AGBL4: variants seen among roughly 807,000 people sequenced by gnomAD.
AGBL4 encodes cytosolic carboxypeptidase 6.
A neutral mutation model predicts 66.4 loss-of-function variants in AGBL4; 58 were observed. The observed-to-expected ratio is 0.87, with a 90% CI of 0.71 to 1.09. AGBL4 has a LOEUF of 1.09. AGBL4 is among the 50% of genes least tolerant of loss of function. The pLI is 0.00. For synonymous variants in AGBL4, 234 were observed against 222.9 expected (o/e 1.05, Z -0.44); for missense variants, 579 against 631.0 (o/e 0.92, Z 0.88).
At chr1:49,268,878 C>A (rs556055081) in intron 3 of AGBL4, among the ~76,000 whole-genome samples, 1 of 152,290 alleles carries the variant, frequency 6.6e-6, no homozygotes, top group Admixed American at 6.5e-5. Context: ...ATTCTGCTTA[C>A]TCTGTATCCA....
chr1:49,883,291 A>G (rs556438101), intron 1 of AGBL4, among the ~76,000 whole-genome samples: 1 of 152,026 alleles, frequency 6.6e-6, no homozygotes, highest in Non-Finnish European at 1.5e-5. Flanking sequence ...GGATATATGC[A>G]TATTTGTTTT....
intron 2 of AGBL4, among the ~76,000 whole-genome samples, chr1:49,840,283 G>C (rs774772582): frequency 6.6e-6 from 1 of 152,084 alleles, no homozygotes. Context: ...AGTCTCTGGG[G>C]ATTTTTGTAT....
At chr1:49,680,049 C>CT (rs61150148) in intron 3 of AGBL4, among the ~76,000 whole-genome samples, 2,203 of 118,072 alleles carry the variant, frequency 0.019, 53 homozygotes, top group East Asian at 0.039. Context: ...TTCTTCTTCC[C>CT]TTTTTTTTTT....
At chr1:48,885,023 G>A (rs1650182476) in intron 5 of AGBL4, among the ~76,000 whole-genome samples, 1 of 151,798 alleles carries the variant, frequency 6.6e-6, no homozygotes, top group Non-Finnish European at 1.5e-5. Context: ...GGAAAAGAAA[G>A]GGAGAATAAG....
At chr1:48,919,350 C>T (rs1653889109) in intron 5 of AGBL4, among the ~76,000 whole-genome samples, 1 of 152,182 alleles carries the variant, frequency 6.6e-6, no homozygotes, top group Non-Finnish European at 1.5e-5. Context: ...TTACATTTAC[C>T]TGCTGCTGGT....
At chr1:49,245,586 T>G (rs1651576752) in intron 4 of AGBL4, among the ~76,000 whole-genome samples, 184 bp downstream of exon 4, 2 of 151,858 alleles carry the variant, frequency 1.3e-5, no homozygotes, top group African/African-American at 4.8e-5. Flanking sequence ...ATCCTCATTC[T>G]TCTCAGTGAC....
At chr1:48,905,632 T>C (rs142933060) in intron 5 of AGBL4, among the ~76,000 whole-genome samples, 14 of 152,314 alleles carry the variant, frequency 9.2e-5, no homozygotes, top group Non-Finnish European at 1.8e-4. Flanking sequence ...ATCTCCTTTT[T>C]ACAGATGGGA....
chr1:48,647,232 T>C (rs148489442), intron 8 of AGBL4, among the ~76,000 whole-genome samples: 3 of 152,154 alleles, frequency 2.0e-5, no homozygotes, highest in Non-Finnish European at 2.9e-5. Context: ...GTACCACCCA[T>C]AGAGGTCCGT....
At chr1:49,789,994 T>C (rs564978348) in intron 2 of AGBL4, among the ~76,000 whole-genome samples, 1 of 152,084 alleles carries the variant, frequency 6.6e-6, no homozygotes, top group South Asian at 2.1e-4. Context: ...TATAGACCAA[T>C]GGAACAGAAG....
chr1:49,498,930 A>G (rs1238422648), intron 3 of AGBL4, among the ~76,000 whole-genome samples: 1 of 152,074 alleles, frequency 6.6e-6, no homozygotes, highest in Non-Finnish European at 1.5e-5. Context: ...GGGTAATGAT[A>G]ACTTTCATGT....
At chr1:49,992,289 G>A (rs1015049751) in intron 1 of AGBL4, among the ~76,000 whole-genome samples, 3 of 151,272 alleles carry the variant, frequency 2.0e-5, no homozygotes, top group Non-Finnish European at 4.4e-5. Context: ...GGAGAATGGC[G>A]TAAACCCAGG....
chr1:49,758,786 T>C (rs1652091349), intron 2 of AGBL4, among the ~76,000 whole-genome samples: 1 of 151,708 alleles, frequency 6.6e-6, no homozygotes, highest in Non-Finnish European at 1.5e-5. Context: ...GACTTTTGAG[T>C]TAATGCTGGA....
intron 6 of AGBL4, among the ~76,000 whole-genome samples, chr1:48,769,096 G>C (rs72904860): frequency 0.012 from 1,756 of 152,290 alleles, 33 homozygotes; most frequent in African/African-American, 0.04. Context: ...GAAGACTACA[G>C]TAGAAAACCT....
At chr1:48,854,691 C>T (rs1558042017) in intron 6 of AGBL4, among the ~76,000 whole-genome samples, 2 of 152,182 alleles carry the variant, frequency 1.3e-5, no homozygotes, top group African/African-American at 4.8e-5. Flanking sequence ...ATCGGCACAA[C>T]AGACTTTCCT....
At chr1:48,552,616 G>A (rs914871222) in intron 11 of AGBL4, among the ~76,000 whole-genome samples, 2 of 152,208 alleles carry the variant, frequency 1.3e-5, no homozygotes, top group Admixed American at 1.3e-4. Context: ...CCCACTAGAT[G>A]TCAGCAGCAC....
intron 2 of AGBL4, among the ~76,000 whole-genome samples, chr1:49,703,759 G>C (rs1647146916): frequency 6.6e-6 from 1 of 151,934 alleles, no homozygotes; most frequent in Admixed American, 6.6e-5. Context: ...GATTAGGAAA[G>C]AGGAAATAAT....
At chr1:49,876,101 G>A (rs1286939742) in intron 1 of AGBL4, among the ~76,000 whole-genome samples, 1 of 149,958 alleles carries the variant, frequency 6.7e-6, no homozygotes, top group Non-Finnish European at 1.5e-5. Flanking sequence ...CTCCCATGTT[G>A]TAGGTTGCCT....
intron 3 of AGBL4, among the ~76,000 whole-genome samples, chr1:49,325,568 G>A (rs1645213597): frequency 6.6e-6 from 1 of 152,058 alleles, no homozygotes; most frequent in South Asian, 2.1e-4. Flanking sequence ...ATTCCTTCCT[G>A]TGGCTCTGAG....
At chr1:49,791,152 C>T (rs1289389163) in intron 2 of AGBL4, among the ~76,000 whole-genome samples, 13 of 151,888 alleles carry the variant, frequency 8.6e-5, no homozygotes, top group Admixed American at 7.9e-4. Context: ...AATATTGGCT[C>T]TAGACTTTCA....
Sources: gnomAD v4.1 joint callset for allele counts (sites outside exome capture counted in the v4.1 genomes callset) on GRCh38, gnomAD v4.1.1 for gene constraint, MANE v1.5 for transcripts, NCBI Gene and HGNC (gene_info 2026-07-23, HGNC 2026-07-21) for gene names.